Variants in IL16 observed in about 807,000 individuals in gnomAD.
IL16 encodes the protein interleukin 16.
In IL16, 67 loss-of-function variants were observed where a neutral mutation model predicts 110.1. The observed-to-expected ratio is 0.61, with a 90% CI of 0.50 to 0.75. The LOEUF is 0.75. Ranked by LOEUF, IL16 falls within the 30% of genes least tolerant of loss-of-function variation. The pLI is 0.00. For synonymous variants in IL16, 689 were observed against 662.9 expected, an observed-to-expected ratio of 1.04 and a Z score of -0.61; for missense variants, 1,545 against 1,655.0, an observed-to-expected ratio of 0.93 and a Z score of 1.15.
chr15:81,206,025 A>C (rs1298513449), intron 1 of IL16, among the ~76,000 whole-genome samples: 2 of 152,240 alleles, frequency 1.3e-5, no homozygotes, highest in African/African-American at 4.8e-5. Flanking sequence ...AAAATTAGAG[A>C]TATACTCCAA....
chr15:81,235,814 A>G (rs1897160580), intron 2 of IL16, among the ~76,000 whole-genome samples: 1 of 152,196 alleles, frequency 6.6e-6, no homozygotes, highest in South Asian at 2.1e-4. Context: ...ACCACCCTTA[A>G]GGCAGAGAGT....
intron 1 of IL16, among the ~76,000 whole-genome samples, chr15:81,185,957 G>A (rs1435271794): frequency 1.3e-5 from 2 of 152,234 alleles, no homozygotes; most frequent in East Asian, 3.9e-4. Flanking sequence ...CATCCAGTCT[G>A]TTTTTCTTGC....
At position 81,313,596 on chromosome 15, in the gene IL16, G is replaced by A. The variant is rs1055672962; in HGVS notation, c.*4798G>A. ...TTTCAGGATGGAAACCCATCCTGTC[G>A]GGGATGCATTCCACAGCCTCTCCCG... On this transcript the variant is annotated 3_prime_UTR_variant, in exon 19 of 19. Coordinates refer to ENST00000683961, the MANE Select transcript of IL16 (RefSeq NM_172217.5). The A allele has an allele frequency of 1.9e-5, 8 of 422,580 alleles. No homozygotes were observed. The highest frequency in any genetic ancestry group is 9.9e-5 in the South Asian group (1 of 10,096). 26.2% of individuals were successfully genotyped at this position (422,580 alleles called of 1,614,324 possible). A position where few individuals can be genotyped will look rare whatever the true frequency, so the allele number is the denominator to read the frequency against.
At position 81,279,793 on chromosome 15, in the gene IL16, T is replaced by C. The variant is rs777264798; in HGVS notation, c.1081+19T>C. On this transcript the variant is annotated intron_variant, in intron 8 of 18. Transcript: ENST00000683961. ...CAGAAAGGTAGGAGTGCTGCAGCTG[T>C]GTCCCGTGCCTGGGTCTCCCAGCAC... 24 of 1,606,746 alleles carry C rather than the reference T, an allele frequency of 1.5e-5. No individual in the cohort carries two copies. In the East Asian group the frequency reaches 5.1e-4, roughly 34 times the overall value.
At chr15:81,188,876 G>A (rs927075979) in intron 1 of IL16, among the ~76,000 whole-genome samples, 6 of 152,192 alleles carry the variant, frequency 3.9e-5, no homozygotes, top group Non-Finnish European at 7.3e-5. Context: ...GCCCCTGGCA[G>A]CAAGGCTTTA....
intron 1 of IL16, among the ~76,000 whole-genome samples, chr15:81,216,830 C>T (rs1434899850): frequency 2.6e-5 from 4 of 152,190 alleles, no homozygotes; most frequent in Admixed American, 1.3e-4. Context: ...AGCCAAGCCT[C>T]TTCCAGCCTC....
intron 10 of IL16, 138 bp downstream of exon 10, chr15:81,285,968 TA>T (rs1312470193): frequency 4.4e-6 from 4 of 904,822 alleles, no homozygotes; most frequent in Admixed American, 2.3e-5. Flanking sequence ...CAAGTTTCTG[TA>T]GTAAGAATTG....
At chr15:81,237,945 C>T (rs1897226854) in intron 2 of IL16, among the ~76,000 whole-genome samples, 1 of 151,960 alleles carries the variant, frequency 6.6e-6, no homozygotes, top group Admixed American at 6.5e-5. Context: ...TGCTCTGTCA[C>T]CCAGGCTGGA....
chr15:81,202,595 A>G (rs1295677893), intron 1 of IL16, among the ~76,000 whole-genome samples: 2 of 150,916 alleles, frequency 1.3e-5, no homozygotes, highest in Non-Finnish European at 1.5e-5. Flanking sequence ...TGTCCTTGCA[A>G]TAGTTTGCTG....
intron 3 of IL16, among the ~76,000 whole-genome samples, chr15:81,262,001 G>A (rs573074408): frequency 7.8e-4 from 119 of 152,290 alleles, no homozygotes; most frequent in Middle Eastern, 3.4e-3. Flanking sequence ...GGGAGGTTGA[G>A]GCTGCAGTAA....
At chr15:81,267,614 G>A (rs996875339) in intron 4 of IL16, among the ~76,000 whole-genome samples, 20 of 152,106 alleles carry the variant, frequency 1.3e-4, no homozygotes, top group Admixed American at 1.3e-4. Context: ...ACCCAGGGAA[G>A]CCTATGGTTT....
intron 4 of IL16, among the ~76,000 whole-genome samples, chr15:81,269,150 A>G (rs903696282): frequency 6.6e-6 from 1 of 152,198 alleles, no homozygotes; most frequent in Admixed American, 6.5e-5. Context: ...TTCTCAGTAA[A>G]TGTGTCTTGG....
At chr15:81,264,741 T>C (rs1216579326) in intron 3 of IL16, among the ~76,000 whole-genome samples, 1 of 150,266 alleles carries the variant, frequency 6.7e-6, no homozygotes, top group East Asian at 1.9e-4. Flanking sequence ...TCAAACAGAA[T>C]GTGCAGAAAG....
chr15:81,290,610 ACTCAT>A (rs1899667806), intron 11 of IL16, 70 bp downstream of exon 11: 1 of 1,022,632 alleles, frequency 9.8e-7, no homozygotes, highest in African/African-American at 1.6e-5. Flanking sequence ...TTATCCATTA[ACTCAT>A]CCTCTATCCA....
At chr15:81,241,576 A>T (rs1283676689) in intron 2 of IL16, among the ~76,000 whole-genome samples, 1 of 152,084 alleles carries the variant, frequency 6.6e-6, no homozygotes, top group Non-Finnish European at 1.5e-5. Context: ...AATTCTATTT[A>T]TGAACTGCTA....
At chr15:81,288,829 A>ATG (rs149894902) in intron 10 of IL16, among the ~76,000 whole-genome samples, 5,262 of 140,938 alleles carry the variant, frequency 0.037, 261 homozygotes, top group African/African-American at 0.12. Flanking sequence ...TAGTATGTGT[A>ATG]TGTGTGTGTG....
chr15:81,264,100 T>C (rs1395503059), intron 3 of IL16, among the ~76,000 whole-genome samples: 7 of 152,200 alleles, frequency 4.6e-5, no homozygotes, highest in Non-Finnish European at 1.0e-4. Flanking sequence ...ATAAATATAA[T>C]GCACAGGCAG....
intron 1 of IL16, among the ~76,000 whole-genome samples, chr15:81,199,026 A>AT: frequency 1.1e-5 from 1 of 94,430 alleles, no homozygotes; most frequent in Non-Finnish European, 1.9e-5. Context: ...TCTCAAAAAA[A>AT]AAAAATATAT....
intron 1 of IL16, among the ~76,000 whole-genome samples, chr15:81,215,051 T>G (rs577220659): frequency 6.6e-6 from 1 of 152,350 alleles, no homozygotes; most frequent in African/African-American, 2.4e-5. Flanking sequence ...CTGGATTGAT[T>G]GGGCTCCAAC....
Sources: gnomAD v4.1 joint callset for allele counts (sites outside exome capture counted in the v4.1 genomes callset) on GRCh38, gnomAD v4.1.1 for gene constraint, MANE v1.5 for transcripts, NCBI Gene and HGNC (gene_info 2026-07-23, HGNC 2026-07-21) for gene names.